The following IGSF9 variants were observed in gnomAD, a reference collection of about 807,000 sequenced individuals.
The protein encoded by IGSF9 is immunoglobulin superfamily member 9, also known as protein turtle homolog A.
In IGSF9, 87 loss-of-function variants were observed where a neutral mutation model predicts 121.7. The observed-to-expected ratio is 0.71, with a 90% CI of 0.60 to 0.85. The LOEUF (loss-of-function observed/expected upper bound fraction) is 0.85, where lower values mean the gene tolerates loss of function less well. Among genes scored for constraint, IGSF9 ranks in the 40% least tolerant of loss-of-function variants. The probability of loss-of-function intolerance (pLI) is 0.00; values close to 1 mark genes in which losing one functional copy is unlikely to be tolerated. For synonymous variants in IGSF9, 640 were observed against 648.4 expected (o/e 0.99, Z 0.20); for missense variants, 1,462 against 1,565.3 (o/e 0.93, Z 1.11).
chr1:159,930,238 G>A lies in IGSF9; in HGVS notation c.2015C>T (p.Pro672Leu), dbSNP rs376264039. Residue 672 changes from proline (P) to leucine (L), a missense_variant, in exon 15 of 21, where the codon CCG becomes CTG. Transcript: ENST00000368094. ...QGSQGWEVLD[P>L]AVAGTETELL... ...CTCTGTTTCTGTGCCTGCCACAGCC[G>A]GGTCCAGCACCTCCCAGCCCTGGGA... is the stretch of plus-strand genomic sequence containing the variant. The A allele has an allele frequency of 1.9e-6, 3 of 1,613,368 alleles. No homozygotes were observed. The highest frequency in any genetic ancestry group is 2.2e-5 in the East Asian group (1 of 44,852).
intron 5 of IGSF9, 26 bp from the exon 6 acceptor site, chr1:159,936,542 G>A (rs1651191859): frequency 6.2e-7 from 1 of 1,603,612 alleles, no homozygotes; most frequent in African/African-American, 1.3e-5. Context: ...GTGAGGAAGA[G>A]TCCTTTCCCC....
At chr1:159,936,333 T>TCAGCCACAGGTCA in intron 6 of IGSF9, 66 bp downstream of exon 6, 1 of 1,397,234 alleles carries the variant, frequency 7.2e-7, no homozygotes, top group South Asian at 1.2e-5. Flanking sequence ...GTGAACCAAT[T>TCAGCCACAGGTCA]CAGCCACAGG....
At chr1:159,934,064 A>G (rs1651096062) in intron 9 of IGSF9, 126 bp downstream of exon 9, 1 of 1,168,360 alleles carries the variant, frequency 8.6e-7, no homozygotes, top group Non-Finnish European at 1.2e-6. Context: ...TATAACACAA[A>G]TTAAATTCAC....
chr1:159,944,881 C>G (rs1009763754), intron 1 of IGSF9, among the ~76,000 whole-genome samples: 1 of 152,212 alleles, frequency 6.6e-6, no homozygotes, highest in African/African-American at 2.4e-5. Flanking sequence ...CCAGGCAGCT[C>G]TCCCACACTT....
intron 1 of IGSF9, among the ~76,000 whole-genome samples, chr1:159,945,133 C>T (rs572550992): frequency 1.3e-4 from 20 of 151,920 alleles, no homozygotes; most frequent in Non-Finnish European, 2.8e-4. Context: ...TCCAGCTTCT[C>T]GCACCTGATC....
At position 159,932,296 on chromosome 1, in the gene IGSF9, G is replaced by A. The variant is rs1025132613; in HGVS notation, c.1245+216C>T. The A allele has an allele frequency of 8.4e-6, 5 of 596,876 alleles. No homozygotes were observed. Among genetic ancestry groups the A allele is most frequent in the African/African-American group, 7.5e-5 (4 of 53,660 alleles). 37.0% of individuals were successfully genotyped at this position (596,876 alleles called of 1,614,324 possible). On this transcript the variant is annotated intron_variant, in intron 10 of 20. Coordinates refer to ENST00000368094, the MANE Select transcript of IGSF9 (RefSeq NM_001135050.2). This position sits in a 1 kb window ranked among gnomAD's most constrained non-coding sequence, Gnocchi z 4.1. ...GGGCAAACAGGATATCTTACTTCTG[G>A]ATGTGTGTGACTGATGTCCCACCTC... is the stretch of plus-strand genomic sequence containing the variant.
In IGSF9 at chr1:159,930,396, C is replaced by T; in HGVS notation, c.1857G>A (p.Glu619=). 6.4e-7 allele frequency: 1 copy of T among 1,568,994 alleles called. No individual in the cohort carries two copies. Among genetic ancestry groups the T allele is most frequent in the Non-Finnish European group, 8.6e-7 (1 of 1,156,408 alleles). The change falls in exon 15 of 21, where the codon GAG becomes GAA. Residue 619 remains glutamate, a synonymous_variant. Transcript: ENST00000368094. ...GCGGAGGGGACAGGGGAGGCGGTATCTCTGTTGGGGGAAGCCCGGGTGCAG... is the reference window on the plus strand; with the variant it reads ...GCGGAGGGGACAGGGGAGGCGGTATTTCTGTTGGGGGAAGCCCGGGTGCAG... ...TPAAPGLPPT[E]IPPPLSPPRG... is the part of the protein sequence containing the mutation.
At chr1:159,936,351 C>T in intron 6 of IGSF9, 48 bp downstream of exon 6, 1 of 1,506,836 alleles carries the variant, frequency 6.6e-7, no homozygotes, top group Non-Finnish European at 9.2e-7. Flanking sequence ...AGGTCACAGC[C>T]CCCTTGCATA....
intron 9 of IGSF9, 170 bp downstream of exon 9, chr1:159,934,020 A>C (rs1651093963): frequency 2.6e-6 from 2 of 759,216 alleles, no homozygotes; most frequent in African/African-American, 3.5e-5. Flanking sequence ...ATTTTTCCTC[A>C]GGGGTTTTAA....
chr1:159,930,684 C>T lies in IGSF9; in HGVS notation c.1813+8G>A, dbSNP rs1223476164. On this transcript the variant is annotated splice_region_variant and intron_variant, in intron 14 of 20. Coordinates refer to ENST00000368094, the MANE Select transcript of IGSF9 (RefSeq NM_001135050.2). Reference sequence around the variant, plus strand: ...GTCTCTGCTGTTCTGGGACGAGAAGCTTCTCACCTTCCGGAGCAGACAAGA... The same window carrying T: ...GTCTCTGCTGTTCTGGGACGAGAAGTTTCTCACCTTCCGGAGCAGACAAGA... The T allele has an allele frequency of 6.2e-7, 1 of 1,613,994 alleles. No homozygotes were observed. The highest frequency in any genetic ancestry group is 1.1e-5 in the South Asian group (1 of 91,068).
chr1:159,932,688 G>T lies in IGSF9; in HGVS notation c.1105-36C>A. On this transcript the variant is annotated intron_variant, in intron 9 of 20. Coordinates refer to ENST00000368094, the MANE Select transcript of IGSF9 (RefSeq NM_001135050.2). This position sits in a 1 kb window ranked among gnomAD's most constrained non-coding sequence, Gnocchi z 4.1. ...GAGAAGATGACAGCTAGAGAGAGGA[G>T]CTCAGCAGAGACAAGCCCGGGATGG... 1 of 1,583,036 alleles carries T rather than the reference G, an allele frequency of 6.3e-7. No homozygotes were observed. Among genetic ancestry groups the T allele is most frequent in the Non-Finnish European group, 8.6e-7 (1 of 1,160,816 alleles).
chr1:159,930,311 G>A lies in IGSF9; in HGVS notation c.1942C>T (p.Leu648=). Residue 648 remains leucine, a synonymous_variant, in exon 15 of 21, where the codon CTG becomes TTG. Coordinates refer to ENST00000368094, the MANE Select transcript of IGSF9 (RefSeq NM_001135050.2). ...GVLLHWDPPE[L]VPKRLDGYVL... ...TAGCCATCCAGTCTCTTAGGGACCA[G>A]CTCTGGGGGATCCCAATGCAGGAGT... The A allele has an allele frequency of 6.2e-7, 1 of 1,613,692 alleles. No individual in the cohort carries two copies. Among genetic ancestry groups the A allele is most frequent in the Middle Eastern group, 1.7e-4 (1 of 6,056 alleles).
Position 159,929,777 on chromosome 1 carries a change from G to A in IGSF9, c.2187C>T (p.Gly729=), listed in dbSNP as rs776089975. 3 of 1,606,672 alleles carry A rather than the reference G, an allele frequency of 1.9e-6. No homozygotes were observed. The highest frequency in any genetic ancestry group is 2.5e-6 in the Non-Finnish European group (3 of 1,177,224). ...EVYPSRTQLP[G]LLPQPVLAGV... ...CGGCCAGCACGGGCTGAGGCAGGAG[G>A]CCCGGCAGCTGCGTGCGCGAAGGGT... Residue 729 remains glycine (G), a synonymous_variant, in exon 17 of 21, where the codon GGC becomes GGT. Transcript: ENST00000368094.
intron 2 of IGSF9, 37 bp downstream of exon 2, chr1:159,943,360 C>T: frequency 1.3e-6 from 2 of 1,524,326 alleles, no homozygotes; most frequent in East Asian, 2.4e-5. Flanking sequence ...CACCCCAAGG[C>T]TAACAGGGCA....
At position 159,929,948 on chromosome 1, in the gene IGSF9, C is replaced by G. The variant is rs1218786854; in HGVS notation, c.2092G>C (p.Ala698Pro). The change falls in exon 16 of 21, where the codon GCC becomes CCC. Residue 698 changes from alanine to proline, a missense_variant. Physicochemically the swap from Ala to Pro is conservative, Grantham distance 27. Transcript: ENST00000368094. ...KDVLYEFRLV[A>P]FAGSFVSDPS... ...TCGCTGACGAAGCTGCCCGCGAAGG[C>G]CACGAGGCGGAACTCGTAGAGAACA... 1.9e-6 allele frequency: 3 copies of G among 1,583,950 alleles called. No homozygotes were observed. Among genetic ancestry groups the G allele is most frequent in the African/African-American group, 1.3e-5 (1 of 74,268 alleles).
chr1:159,936,526 G>C lies in IGSF9; in HGVS notation c.556-10C>G. The stretch of plus-strand genomic sequence containing the variant: ...GCGTCCCGTTCTGCACCTAGGGAAG[G>C]AGTGGGTGAGGAAGAGTCCTTTCCC... On this transcript the variant is annotated splice_polypyrimidine_tract_variant and intron_variant, in intron 5 of 20. Coordinates refer to ENST00000368094, the MANE Select transcript of IGSF9 (RefSeq NM_001135050.2). 6.2e-7 allele frequency: 1 copy of C among 1,612,992 alleles called. No homozygotes were observed. Among genetic ancestry groups the C allele is most frequent in the Non-Finnish European group, 8.5e-7 (1 of 1,179,288 alleles).
Position 159,937,835 on chromosome 1 carries a change from C to T in IGSF9, c.251G>A (p.Arg84Gln), listed in dbSNP as rs1651249361. ...AGAGGCCCCCTTCTGCAGCCGGACT[C>T]GTCCTGGGGGAGGAGCCCTGAATCA... Reference protein sequence around the residue: ...SPRIDPDYVGRVRLQKGASLQ... With the variant: ...SPRIDPDYVGQVRLQKGASLQ... Residue 84 changes from arginine to glutamine, a missense_variant, in exon 4 of 21, where the codon CGA (arginine) becomes CAA (glutamine). Coordinates refer to ENST00000368094, the MANE Select transcript of IGSF9 (RefSeq NM_001135050.2). 4 of 1,613,384 alleles carry T rather than the reference C, an allele frequency of 2.5e-6. No individual in the cohort carries two copies. The highest frequency in any genetic ancestry group is 2.2e-5 in the East Asian group (1 of 44,854).
Position 159,927,741 on chromosome 1 carries a change from T to A in IGSF9, c.3358+19A>T. The A allele has an allele frequency of 1.2e-6, 2 of 1,609,408 alleles. No individual in the cohort carries two copies. ...GACAGTATGGCCGAGATGCCTGCCT[T>A]TCCGGGGGGCTCACACACCTAGCTC... On this transcript the variant is annotated intron_variant, in intron 20 of 20. Coordinates refer to ENST00000368094, the MANE Select transcript of IGSF9 (RefSeq NM_001135050.2).
At chr1:159,927,708 G>A (rs1650790893) in intron 20 of IGSF9, 52 bp downstream of exon 20, 3 of 1,595,164 alleles carry the variant, frequency 1.9e-6, no homozygotes, top group Non-Finnish European at 2.6e-6. Flanking sequence ...GGTGGCGGGG[G>A]GATGTGGGAC....
Sources: gnomAD v4.1 joint callset for allele counts (sites outside exome capture counted in the v4.1 genomes callset) on GRCh38, gnomAD v4.1.1 for gene constraint, Gnocchi (gnomAD v3.1) non-coding constraint, MANE v1.5 for transcripts, NCBI Gene and HGNC (gene_info 2026-07-23, HGNC 2026-07-21) for gene names.